The following NAF1 variants were observed in gnomAD, a reference collection of about 807,000 sequenced individuals.
The protein encoded by NAF1 is H/ACA ribonucleoprotein complex non-core subunit NAF1.
A neutral mutation model predicts 40.6 loss-of-function variants in NAF1; 11 were observed. The observed-to-expected ratio is 0.27, with a 90% CI of 0.17 to 0.45. The LOEUF is 0.45. NAF1 is among the 20% of genes least tolerant of loss of function. NAF1 has a pLI of 1.00. For synonymous variants in NAF1, 260 were observed against 228.5 expected, an observed-to-expected ratio of 1.14 and a Z score of -1.24; for missense variants, 607 against 611.1, an observed-to-expected ratio of 0.99 and a Z score of 0.07.
chr4:163,110,327 G>C (rs765732608), intron 2 of NAF1: 1 of 695,178 alleles, frequency 1.4e-6, no homozygotes, highest in Non-Finnish European at 2.6e-6. Flanking sequence ...TATTTTGAGA[G>C]AGAAAGAATA....
At chr4:163,144,757 ACTC>A (rs1560795265) in intron 4 of NAF1, among the ~76,000 whole-genome samples, 1 of 152,122 alleles carries the variant, frequency 6.6e-6, no homozygotes, top group Non-Finnish European at 1.5e-5. Flanking sequence ...ATTTTATCTG[ACTC>A]CTTTCAAATC....
downstream of NAF1, among the ~76,000 whole-genome samples, chr4:163,107,423 G>C (rs1730066309): frequency 6.6e-6 from 1 of 152,160 alleles, no homozygotes; most frequent in South Asian, 2.1e-4. Context: ...CTTTCACTCT[G>C]TGTCCAGGTA....
intron 2 of NAF1, among the ~76,000 whole-genome samples, chr4:163,115,950 C>A (rs1281786350): frequency 6.6e-6 from 1 of 152,128 alleles, no homozygotes. Context: ...CTACATTTGC[C>A]AAATTATCAT....
At chr4:163,146,490 C>G (rs907620177) in intron 3 of NAF1, among the ~76,000 whole-genome samples, 23 of 152,148 alleles carry the variant, frequency 1.5e-4, no homozygotes, top group Admixed American at 8.5e-4. Flanking sequence ...AGAAAACACA[C>G]GCACACACAA....
chr4:163,117,964 T>C (rs1730401890), intron 2 of NAF1, among the ~76,000 whole-genome samples: 1 of 152,146 alleles, frequency 6.6e-6, no homozygotes, highest in Non-Finnish European at 1.5e-5. Context: ...TGCTATGATT[T>C]CCAAATTAGA....
chr4:163,109,196 G>A (rs1257924418), downstream of NAF1, among the ~76,000 whole-genome samples: 1 of 146,490 alleles, frequency 6.8e-6, no homozygotes, highest in African/African-American at 2.5e-5. Context: ...ACTTAATCTT[G>A]GAGGGGCTAA....
intron 2 of NAF1, among the ~76,000 whole-genome samples, chr4:163,161,018 CAAAAAAAA>C (rs796248441): frequency 6.7e-5 from 4 of 59,702 alleles, no homozygotes; most frequent in East Asian, 9.5e-4. Context: ...TGTCATTTTC[CAAAAAAAA>C]AAAAAAAAAA....
chr4:163,141,915 G>A (rs1731276916), intron 4 of NAF1: 9 of 974,752 alleles, frequency 9.2e-6, no homozygotes, highest in Admixed American at 6.2e-5. Context: ...TTTCATTAAG[G>A]CGTAAAACAG....
chr4:163,135,542 G>A (rs2110906625), intron 6 of NAF1: 1 of 152,342 alleles, frequency 6.6e-6, no homozygotes, highest in South Asian at 2.1e-4. Context: ...TGAAATCTCA[G>A]CACTTTGAGA....
At chr4:163,145,898 T>C in intron 3 of NAF1, 34 bp from the exon 4 acceptor site, 1 of 1,031,198 alleles carries the variant, frequency 9.7e-7, no homozygotes, top group Non-Finnish European at 1.4e-6. Context: ...CAAGATTTAC[T>C]TATAAGAGAA....
At chr4:163,107,068 C>T (rs572241713), downstream of NAF1, among the ~76,000 whole-genome samples, 95 of 152,022 alleles carry the variant, frequency 6.2e-4, no homozygotes, top group African/African-American at 2.1e-3. Context: ...CTCACTGCAA[C>T]CTCCGCCTCC....
chr4:163,150,878 C>A (rs1167810686), intron 2 of NAF1, among the ~76,000 whole-genome samples: 1 of 152,094 alleles, frequency 6.6e-6, no homozygotes, highest in Non-Finnish European at 1.5e-5. Context: ...ATTCACATTT[C>A]CACAATGTAT....
At chr4:163,154,899 A>AC (rs1304553340) in intron 2 of NAF1, among the ~76,000 whole-genome samples, 3 of 151,894 alleles carry the variant, frequency 2.0e-5, no homozygotes, top group Non-Finnish European at 4.4e-5. Context: ...ACAAAAAAAA[A>AC]AAAACAGAGC....
At chr4:163,112,262 G>A (rs1730183956) in intron 2 of NAF1, among the ~76,000 whole-genome samples, 1 of 152,134 alleles carries the variant, frequency 6.6e-6, no homozygotes, top group East Asian at 1.9e-4. Flanking sequence ...TTAGCTTTAA[G>A]TAAAAGTACT....
intron 2 of NAF1, among the ~76,000 whole-genome samples, chr4:163,120,773 T>G (rs1488390295): frequency 2.0e-5 from 3 of 152,212 alleles, no homozygotes; most frequent in Non-Finnish European, 4.4e-5. Flanking sequence ...AATCTGTACT[T>G]TGTTTTCAGG....
At chr4:163,109,891 T>C (rs1730111959), downstream of NAF1, among the ~76,000 whole-genome samples, 1 of 152,210 alleles carries the variant, frequency 6.6e-6, no homozygotes, top group South Asian at 2.1e-4. Flanking sequence ...TGTCTGATCT[T>C]CTGATCCAGA....
intron 2 of NAF1, among the ~76,000 whole-genome samples, chr4:163,151,948 A>T (rs1731726475): frequency 6.6e-6 from 1 of 152,184 alleles, no homozygotes. Context: ...CTTGAACATA[A>T]GAAAGCATCA....
chr4:163,164,456 A>G lies in NAF1; in HGVS notation c.366-65T>C, dbSNP rs569792924. On this transcript the variant is annotated intron_variant, in intron 1 of 7. Coordinates refer to ENST00000274054, the MANE Select transcript of NAF1 (RefSeq NM_138386.3). ...ATTATACTAATATTAAAATAAGATTATTCAATTAAGAAATATCAACTTTAA... is the reference window on the plus strand; with the variant it reads ...ATTATACTAATATTAAAATAAGATTGTTCAATTAAGAAATATCAACTTTAA... 4.5e-5 allele frequency: 52 copies of G among 1,144,458 alleles called. 1 individual carries two copies. The South Asian group carries it at 1.1e-3, about 23-fold the overall frequency. The allele number at this position is 1,144,458 out of a possible 1,614,324, so 70.9% of individuals were successfully genotyped here. A position where few individuals can be genotyped will look rare whatever the true frequency, so the allele number is the denominator to read the frequency against.
In NAF1 at chr4:163,151,138, T is replaced by G. The variant is rs183803823; in HGVS notation, c.541-2704A>C. ...AAAACCTTTGGATTTTCAAGGACAT[T>G]TGTCTTTTATCAAATATGTAGCAAA... On this transcript the variant is annotated intron_variant, in intron 2 of 7. Transcript: ENST00000274054. Among the ~76,000 whole-genome samples the G allele has an allele frequency of 6.6e-3, 1,005 of 152,106 alleles. 9 individuals carry two copies. The highest frequency in any genetic ancestry group is 0.014 in the Middle Eastern group (4 of 294).
Sources: allele counts gnomAD v4.1 joint callset (sites outside exome capture counted in the v4.1 genomes callset), GRCh38; gene constraint gnomAD v4.1.1; transcripts MANE v1.5; gene names NCBI Gene and HGNC (gene_info 2026-07-23, HGNC 2026-07-21).